Variants in PIP4K2A observed in about 807,000 individuals in gnomAD.
PIP4K2A encodes phosphatidylinositol 5-phosphate 4-kinase type-2 alpha.
In PIP4K2A, 14 loss-of-function variants were observed where a neutral mutation model predicts 42.9. The observed-to-expected ratio is 0.33, with a 90% CI of 0.22 to 0.51. The LOEUF (loss-of-function observed/expected upper bound fraction) is 0.51, where lower values mean the gene tolerates loss of function less well. Among genes scored for constraint, PIP4K2A ranks in the 20% least tolerant of loss-of-function variants. PIP4K2A has a pLI of 0.97. For synonymous variants in PIP4K2A, 192 were observed against 192.2 expected (o/e 1.00, Z 0.01); for missense variants, 434 against 519.8 (o/e 0.83, Z 1.61).
intron 1 of PIP4K2A, among the ~76,000 whole-genome samples, chr10:22,626,633 T>C (rs1167964474): frequency 1.3e-5 from 2 of 152,234 alleles, no homozygotes; most frequent in Non-Finnish European, 1.5e-5. Context: ...TATTCCATCA[T>C]CACACTGAAG....
chr10:22,638,403 C>A (rs1270180337), intron 1 of PIP4K2A, among the ~76,000 whole-genome samples: 1 of 152,142 alleles, frequency 6.6e-6, no homozygotes, highest in African/African-American at 2.4e-5. Context: ...TTTATAGCCT[C>A]TCTCAATAAC....
chr10:22,554,713 A>G (rs1010526729), intron 6 of PIP4K2A, among the ~76,000 whole-genome samples: 4 of 152,370 alleles, frequency 2.6e-5, no homozygotes, highest in Non-Finnish European at 5.9e-5. Flanking sequence ...TGTGCAGATC[A>G]GAGCCTCTAA....
At chr10:22,606,371 T>G (rs1369233981) in intron 3 of PIP4K2A, among the ~76,000 whole-genome samples, 1 of 152,126 alleles carries the variant, frequency 6.6e-6, no homozygotes, top group Non-Finnish European at 1.5e-5. Context: ...TAATAGCAGA[T>G]GAGCAACCAC....
intron 6 of PIP4K2A, among the ~76,000 whole-genome samples, chr10:22,564,918 C>T (rs562576616): frequency 7.9e-5 from 12 of 152,260 alleles, no homozygotes; most frequent in Middle Eastern, 3.4e-3. Context: ...AAGCATCTGA[C>T]GCTGGGAAGT....
chr10:22,653,544 A>G (rs561404289), intron 1 of PIP4K2A, among the ~76,000 whole-genome samples: 65 of 152,328 alleles, frequency 4.3e-4, no homozygotes, highest in African/African-American at 1.2e-3. Flanking sequence ...GGGGAGGCAG[A>G]CAGAAGAAAG....
chr10:22,583,907 C>T (rs1285345645), intron 4 of PIP4K2A, among the ~76,000 whole-genome samples: 1 of 152,200 alleles, frequency 6.6e-6, no homozygotes. Context: ...CATTTTGGCC[C>T]AACATAGGAG....
rs1389484002 is a variant in PIP4K2A, at chr10:22,537,064, T to A, written c.*137A>T. 4.6e-6 allele frequency: 3 copies of A among 652,888 alleles called. No individual in the cohort carries two copies. The highest frequency in any genetic ancestry group is 2.8e-5 in the East Asian group (1 of 36,140). 40.4% of individuals were successfully genotyped at this position (652,888 alleles called of 1,614,324 possible). On this transcript the variant is annotated 3_prime_UTR_variant, in exon 10 of 10. Transcript: ENST00000376573. ...AAGCGAGTAGCCCCCAAATCAGTCATCTTGGCCTGAAGATGTAAACAAGGA... is the reference window on the plus strand; with the variant it reads ...AAGCGAGTAGCCCCCAAATCAGTCAACTTGGCCTGAAGATGTAAACAAGGA...
intron 1 of PIP4K2A, among the ~76,000 whole-genome samples, chr10:22,672,165 A>C (rs1564462958): frequency 6.6e-6 from 1 of 152,180 alleles, no homozygotes; most frequent in Non-Finnish European, 1.5e-5. Flanking sequence ...AAATGAAAAA[A>C]AGGAGGCCAG....
At chr10:22,612,929 G>C (rs551809216) in intron 1 of PIP4K2A, among the ~76,000 whole-genome samples, 1 of 152,130 alleles carries the variant, frequency 6.6e-6, no homozygotes, top group Non-Finnish European at 1.5e-5. Flanking sequence ...CCCCAGAGGA[G>C]TGGATGAGGT....
intron 7 of PIP4K2A, among the ~76,000 whole-genome samples, chr10:22,548,290 G>A (rs1164931794): frequency 6.6e-6 from 1 of 152,178 alleles, no homozygotes; most frequent in Non-Finnish European, 1.5e-5. Context: ...AAGTGCTTGA[G>A]CCATGTATGG....
At chr10:22,702,819 T>C (rs1833740949) in intron 1 of PIP4K2A, among the ~76,000 whole-genome samples, 1 of 152,158 alleles carries the variant, frequency 6.6e-6, no homozygotes, top group Non-Finnish European at 1.5e-5. Context: ...CCCCACTCAT[T>C]CATTCAACAA....
At chr10:22,679,093 C>T (rs1285488278) in intron 1 of PIP4K2A, among the ~76,000 whole-genome samples, 4 of 152,098 alleles carry the variant, frequency 2.6e-5, no homozygotes, top group Admixed American at 2.6e-4. Flanking sequence ...TGGACTATAT[C>T]AAAATTTACA....
intron 4 of PIP4K2A, among the ~76,000 whole-genome samples, chr10:22,585,534 T>A (rs1426552944): frequency 6.6e-6 from 1 of 152,194 alleles, no homozygotes; most frequent in Non-Finnish European, 1.5e-5. Context: ...TGATCACCTA[T>A]ATTGCAGCTT....
intron 1 of PIP4K2A, among the ~76,000 whole-genome samples, chr10:22,697,337 T>C (rs115933627): frequency 6.6e-6 from 1 of 152,252 alleles, no homozygotes; most frequent in Non-Finnish European, 1.5e-5. Flanking sequence ...TTATACTACA[T>C]AATTCTTGAC....
intron 4 of PIP4K2A, among the ~76,000 whole-genome samples, chr10:22,590,711 C>T (rs1219526812): frequency 6.6e-6 from 1 of 152,052 alleles, no homozygotes; most frequent in Non-Finnish European, 1.5e-5. Context: ...AAAAACACAA[C>T]TTAAAAAAAT....
intron 9 of PIP4K2A, chr10:22,539,480 T>C (rs1836029102): frequency 6.5e-6 from 1 of 153,402 alleles, no homozygotes; most frequent in African/African-American, 2.4e-5. Context: ...AGAAAAGAAA[T>C]ATTAATCCTG....
chr10:22,542,482 G>T (rs966730724), intron 7 of PIP4K2A, among the ~76,000 whole-genome samples: 19 of 152,218 alleles, frequency 1.2e-4, no homozygotes, highest in Non-Finnish European at 2.6e-4. Flanking sequence ...AAGCACCCTG[G>T]AATTCAGCAT....
At chr10:22,581,044 A>T (rs568511791) in intron 4 of PIP4K2A, among the ~76,000 whole-genome samples, 3 of 152,356 alleles carry the variant, frequency 2.0e-5, no homozygotes, top group East Asian at 3.9e-4. Flanking sequence ...TGGCTCAGAA[A>T]TTAAGAGCAC....
intron 9 of PIP4K2A, among the ~76,000 whole-genome samples, chr10:22,538,804 C>CG (rs3842636): frequency 0.28 from 42,903 of 152,086 alleles, 6,335 homozygotes; most frequent in East Asian, 0.41. Flanking sequence ...TGCTCGGGGG[C>CG]GGTGAGGTCC....
Sources: gnomAD v4.1 joint callset for allele counts (sites outside exome capture counted in the v4.1 genomes callset) on GRCh38, gnomAD v4.1.1 for gene constraint, MANE v1.5 for transcripts, NCBI Gene and HGNC (gene_info 2026-07-23, HGNC 2026-07-21) for gene names.